GVQW3: variants seen among roughly 807,000 people sequenced by gnomAD.
GVQW3 encodes protein GVQW3.
GVQW3 carries 7 observed loss-of-function variants against 12.5 expected under a neutral mutation model. That is an observed-to-expected ratio of 0.56 (90% CI 0.32 to 1.05). The LOEUF is 1.05. GVQW3 is among the 50% of genes least tolerant of loss of function. GVQW3 has a pLI of 0.04. For synonymous variants in GVQW3, 71 were observed against 67.2 expected (o/e 1.06, Z -0.28); for missense variants, 188 against 190.8 (o/e 0.99, Z 0.09).
chr11:76,400,995 A>T (rs898482560), intron 1 of GVQW3, among the ~76,000 whole-genome samples: 3 of 151,342 alleles, frequency 2.0e-5, no homozygotes, highest in Admixed American at 6.6e-5. Context: ...TCTCCTCCAT[A>T]CTATTCTGTT....
intron 1 of GVQW3, among the ~76,000 whole-genome samples, chr11:76,397,951 C>T (rs1333667588): frequency 6.6e-6 from 1 of 151,910 alleles, no homozygotes; most frequent in Non-Finnish European, 1.5e-5. Context: ...GCCTGGCCAA[C>T]ATGGTGAAAC....
intron 1 of GVQW3, 116 bp downstream of exon 1, chr11:76,382,409 C>A: frequency 1.4e-6 from 1 of 738,654 alleles, no homozygotes; most frequent in Non-Finnish European, 2.4e-6. Flanking sequence ...CAGGCGTCAT[C>A]TTCAACAAGC....
chr11:76,382,528 C>T (rs1282817616), intron 1 of GVQW3: 4 of 606,468 alleles, frequency 6.6e-6, no homozygotes, highest in African/African-American at 5.6e-5. Flanking sequence ...TCTTTGGCTG[C>T]TCACGTATTT....
chr11:76,391,691 T>C (rs1446643557), intron 1 of GVQW3, among the ~76,000 whole-genome samples: 1 of 152,170 alleles, frequency 6.6e-6, no homozygotes, highest in Non-Finnish European at 1.5e-5. Context: ...CGGTGGCTCA[T>C]ACCTGTAATC....
chr11:76,392,010 G>T (rs1425684747), intron 1 of GVQW3, among the ~76,000 whole-genome samples: 4 of 152,222 alleles, frequency 2.6e-5, no homozygotes, highest in Admixed American at 6.5e-5. Context: ...CCTTCTTCGA[G>T]CCTGGGCCTG....
chr11:76,396,608 C>A (rs10793157), intron 1 of GVQW3, among the ~76,000 whole-genome samples: 59,403 of 152,058 alleles, frequency 0.39, 12,591 homozygotes, highest in African/African-American at 0.53. Flanking sequence ...AGCCACCATG[C>A]CTGGGCTCAA....
At chr11:76,396,490 T>A (rs747082918) in intron 1 of GVQW3, among the ~76,000 whole-genome samples, 1 of 151,952 alleles carries the variant, frequency 6.6e-6, no homozygotes, top group Non-Finnish European at 1.5e-5. Context: ...AATTTTGTAT[T>A]TTTTTGTAGG....
At chr11:76,392,658 A>T (rs1023026017) in intron 1 of GVQW3, 7 of 152,230 alleles carry the variant, frequency 4.6e-5, no homozygotes, top group Non-Finnish European at 5.9e-5. Context: ...GTTGATTTAC[A>T]TACAATTTTT....
chr11:76,403,916 A>G lies in GVQW3; in HGVS notation c.*158A>G, dbSNP rs944426770. ...ATTTGCCCTTCTATCTTTTTGTTCT[A>G]TTCAGGTCCTCAATGAATTGGATGA... On this transcript the variant is annotated 3_prime_UTR_variant, in exon 2 of 2. Transcript: ENST00000529331. 3 of 701,850 alleles carry G rather than the reference A, an allele frequency of 4.3e-6. No individual in the cohort carries two copies. Among genetic ancestry groups the G allele is most frequent in the African/African-American group, 3.5e-5 (2 of 57,198 alleles). The allele number at this position is 701,850 out of a possible 1,614,324, so 43.5% of individuals were successfully genotyped here.
downstream of GVQW3, chr11:76,412,694 A>C (rs1947087548): frequency 6.6e-6 from 1 of 152,304 alleles, no homozygotes; most frequent in East Asian, 1.9e-4. Flanking sequence ...AGAAGCAAAA[A>C]CAAATGAACA....
In GVQW3 at chr11:76,403,827, G is replaced by T. The variant is rs1213622958; in HGVS notation, c.*69G>T. The T allele has an allele frequency of 3.0e-6, 2 of 675,768 alleles. No individual in the cohort carries two copies. Among genetic ancestry groups the T allele is most frequent in the East Asian group, 5.5e-5 (2 of 36,184 alleles). 41.9% of individuals were successfully genotyped at this position (675,768 alleles called of 1,614,324 possible). On this transcript the variant is annotated 3_prime_UTR_variant, in exon 2 of 2. Coordinates refer to ENST00000529331, the MANE Select transcript of GVQW3 (RefSeq NM_001347885.2). ...CCAGTCTGAGTCCACAGGCCGAAGAGCGAGGAGTGCTGATGTACAAGGGCA... is the reference window on the plus strand; with the variant it reads ...CCAGTCTGAGTCCACAGGCCGAAGATCGAGGAGTGCTGATGTACAAGGGCA...
downstream of GVQW3, among the ~76,000 whole-genome samples, chr11:76,409,195 C>T (rs995669030): frequency 2.0e-5 from 3 of 152,104 alleles, no homozygotes; most frequent in African/African-American, 7.2e-5. Flanking sequence ...ACACCGAATG[C>T]CTATTATATG....
At chr11:76,388,287 A>C (rs1946856180) in intron 1 of GVQW3, among the ~76,000 whole-genome samples, 1 of 152,240 alleles carries the variant, frequency 6.6e-6, no homozygotes, top group African/African-American at 2.4e-5. Context: ...GCATGCTTGC[A>C]AATATATATA....
chr11:76,403,313 A>G (rs769809547), intron 1 of GVQW3, among the ~76,000 whole-genome samples: 3 of 152,212 alleles, frequency 2.0e-5, no homozygotes, highest in Non-Finnish European at 4.4e-5. Context: ...TAGGAGATGT[A>G]TGTAAATAGA....
At chr11:76,414,016 A>G (rs773626206) in exon 2 of GVQW3, 8 of 152,082 alleles carry the variant, frequency 5.3e-5, no homozygotes, top group East Asian at 1.9e-4. Context: ...GCTGCCACCA[A>G]TTTGAGGGAG....
intron 1 of GVQW3, among the ~76,000 whole-genome samples, chr11:76,388,442 T>G (rs1946858207): frequency 6.6e-6 from 1 of 152,174 alleles, no homozygotes; most frequent in Non-Finnish European, 1.5e-5. Context: ...TGTAGTAGAA[T>G]CTCAGCATTG....
intron 1 of GVQW3, among the ~76,000 whole-genome samples, chr11:76,393,065 A>G (rs1182838998): frequency 1.3e-5 from 2 of 152,244 alleles, no homozygotes; most frequent in African/African-American, 2.4e-5. Flanking sequence ...AAATGCCGCT[A>G]TACTGTACCA....
At chr11:76,400,063 TTC>T (rs1201697640) in intron 1 of GVQW3, among the ~76,000 whole-genome samples, 1 of 147,494 alleles carries the variant, frequency 6.8e-6, no homozygotes, top group African/African-American at 2.5e-5. Context: ...ATCTTGTTGG[TTC>T]TGTTTCCTGT....
At chr11:76,408,309 A>G (rs1947060802), downstream of GVQW3, among the ~76,000 whole-genome samples, 1 of 152,190 alleles carries the variant, frequency 6.6e-6, no homozygotes, top group Non-Finnish European at 1.5e-5. Flanking sequence ...GGTTAGTGAA[A>G]AGAGGTAACA....
Sources: gnomAD v4.1 joint callset for allele counts (sites outside exome capture counted in the v4.1 genomes callset) on GRCh38, gnomAD v4.1.1 for gene constraint, MANE v1.5 for transcripts, NCBI Gene and HGNC (gene_info 2026-07-23, HGNC 2026-07-21) for gene names.